OTUD4: variants seen among roughly 807,000 people sequenced by gnomAD.
The protein encoded by OTUD4 is OTU domain-containing protein 4.
A neutral mutation model predicts 130.4 loss-of-function variants in OTUD4; 24 were observed. The ratio of observed to expected loss-of-function variants is 0.18; its 90% CI spans 0.13 to 0.26. The LOEUF (loss-of-function observed/expected upper bound fraction) is 0.26. Among genes scored for constraint, OTUD4 ranks in the 10% least tolerant of loss-of-function variants. The pLI, the probability that OTUD4 is intolerant of heterozygous loss-of-function variation, is 1.00. For missense variants in OTUD4, 1,031 were observed against 1,329.4 expected, an observed-to-expected ratio of 0.78 and a Z score of 3.49; for synonymous variants, 420 against 472.5, an observed-to-expected ratio of 0.89 and a Z score of 1.44.
intron 5 of OTUD4, among the ~76,000 whole-genome samples, chr4:145,163,249 A>C (rs891982355): frequency 1.2e-4 from 18 of 152,364 alleles, no homozygotes; most frequent in Admixed American, 7.2e-4. Context: ...TAACAGTAGT[A>C]TTTCACTCAA....
chr4:145,177,743 T>C (rs908772543), intron 1 of OTUD4, among the ~76,000 whole-genome samples: 7 of 152,338 alleles, frequency 4.6e-5, no homozygotes, highest in South Asian at 4.1e-4. Flanking sequence ...CTAAATCAGA[T>C]AATTTGGAGA....
In OTUD4 at chr4:145,179,958, C is replaced by T; in HGVS notation, c.16G>A (p.Gly6Ser). The change falls in exon 1 of 21, where the codon GGC (glycine) becomes AGC (serine). Residue 6 changes from glycine to serine, a missense_variant. Physicochemically the swap from Gly to Ser is moderately conservative, Grantham distance 56 (BLOSUM62 0). Transcript: ENST00000447906. ...CCCTGGTCCCCGCCGTCGGGGACGCCGACGGCAGCCTCCATGTTGCTGGTC... is the reference window on the plus strand; with the variant it reads ...CCCTGGTCCCCGCCGTCGGGGACGCTGACGGCAGCCTCCATGTTGCTGGTC... MEAAV[G>S]VPDGGDQGGA... is the part of the protein sequence containing the mutation. 1 of 1,519,454 alleles carries T rather than the reference C, an allele frequency of 6.6e-7. No individual in the cohort carries two copies. The highest frequency in any genetic ancestry group is 1.2e-5 in the South Asian group (1 of 83,160). The allele number at this position is 1,519,454 out of a possible 1,614,324, so 94.1% of individuals were successfully genotyped here.
At chr4:145,160,915 G>T (rs36225151) in intron 6 of OTUD4, among the ~76,000 whole-genome samples, 1 of 152,192 alleles carries the variant, frequency 6.6e-6, no homozygotes, top group African/African-American at 2.4e-5. Context: ...TTTAAGACCA[G>T]CCTGGTCAAG....
chr4:145,163,482 CTAAAGTATTCCTGGATGTAATGGCAGA>C, intron 5 of OTUD4, among the ~76,000 whole-genome samples: 3 of 152,232 alleles, frequency 2.0e-5, no homozygotes, highest in East Asian at 3.9e-4. Flanking sequence ...TTTATGATTA[CTAAAGTATTCCTGGATGTAATGGCAGA>C]ACCTATTTTC....
At chr4:145,140,878 T>G (rs1428411114) in intron 19 of OTUD4, among the ~76,000 whole-genome samples, 1 of 151,398 alleles carries the variant, frequency 6.6e-6, no homozygotes, top group Non-Finnish European at 1.5e-5. Flanking sequence ...AAAAAAAAAT[T>G]TTCTGGGCCA....
At chr4:145,164,911 T>C (rs1751774014) in intron 4 of OTUD4, among the ~76,000 whole-genome samples, 1 of 152,146 alleles carries the variant, frequency 6.6e-6, no homozygotes, top group African/African-American at 2.4e-5. Flanking sequence ...AAGTGATATC[T>C]TACAGAACAT....
chr4:145,146,491 A>C, intron 13 of OTUD4, 62 bp from the exon 14 acceptor site: 3 of 944,082 alleles, frequency 3.2e-6, no homozygotes, highest in East Asian at 3.3e-5. Flanking sequence ...AATAAATAAA[A>C]CATTCTTGTC....
rs142189866 is a variant in OTUD4, at chr4:145,163,951, G to T, written c.414+203C>A. ...TCAAATTCCTGACCTCAAGTGATCT[G>T]CCTGCCTTGGCCTCCCAAAGTGCTG... On this transcript the variant is annotated intron_variant, in intron 5 of 20. Coordinates refer to ENST00000447906, the MANE Select transcript of OTUD4 (RefSeq NM_001366057.1). Among the ~76,000 whole-genome samples, 666 of 152,124 alleles carry T rather than the reference G, an allele frequency of 4.4e-3. 8 individuals carry two copies. The highest frequency in any genetic ancestry group is 0.015 in the African/African-American group (619 of 41,518).
At position 145,146,330 on chromosome 4, in the gene OTUD4, T is replaced by C. The variant is rs554807829; in HGVS notation, c.1359A>G (p.Ile453Met). ...SPEERREKQA[I>M]EESRLLYEIQ... ...TCTCATAGAGTAAACGGGATTCTTC[T>C]ATAGCTTGCTTCTCTCTGCGCTCTT... Residue 453 changes from isoleucine to methionine, a missense_variant, in exon 14 of 21, where the codon ATA (isoleucine) becomes ATG (methionine). By Grantham distance (10) the Ile-to-Met change is conservative. This residue lies in a region of OTUD4 where 900 missense variants were observed against 1,095.9 expected (regional missense o/e 0.82). Transcript: ENST00000447906. 9.4e-6 allele frequency: 15 copies of C among 1,598,466 alleles called. No individual in the cohort carries two copies. The East Asian group carries it at 3.0e-4, about 32-fold the overall frequency.
At chr4:145,176,878 G>A (rs1292479500) in intron 1 of OTUD4, among the ~76,000 whole-genome samples, 2 of 152,136 alleles carry the variant, frequency 1.3e-5, no homozygotes, top group African/African-American at 2.4e-5. Flanking sequence ...GTCCTATTAC[G>A]CTGAGATACA....
At chr4:145,139,508 T>C (rs1750455348) in intron 20 of OTUD4, among the ~76,000 whole-genome samples, 1 of 152,226 alleles carries the variant, frequency 6.6e-6, no homozygotes, top group Non-Finnish European at 1.5e-5. Flanking sequence ...GATGTACACG[T>C]TATTTCCTTT....
At chr4:145,146,475 TAAATA>T in intron 13 of OTUD4, 46 bp from the exon 14 acceptor site, 2 of 973,262 alleles carry the variant, frequency 2.1e-6, no homozygotes, top group Non-Finnish European at 2.8e-6. Flanking sequence ...AATAAATAAA[TAAATA>T]AATAAATAAA....
At chr4:145,142,531 C>T (rs1180316249) in intron 17 of OTUD4, among the ~76,000 whole-genome samples, 197 bp from the exon 18 acceptor site, 1 of 152,178 alleles carries the variant, frequency 6.6e-6, no homozygotes, top group African/African-American at 2.4e-5. Flanking sequence ...TTGATCCTAA[C>T]CAAGGGTTGC....
intron 10 of OTUD4, among the ~76,000 whole-genome samples, chr4:145,154,130 C>T (rs939717833): frequency 6.6e-6 from 1 of 152,228 alleles, no homozygotes; most frequent in Non-Finnish European, 1.5e-5. Context: ...AGTGATACAG[C>T]ATAAGCCATC....
intron 13 of OTUD4, among the ~76,000 whole-genome samples, chr4:145,146,793 A>G (rs910303242): frequency 6.6e-6 from 1 of 152,224 alleles, no homozygotes; most frequent in Non-Finnish European, 1.5e-5. Context: ...TATTTTCATT[A>G]AGAATTAATT....
chr4:145,143,879 TTC>T, intron 16 of OTUD4, 65 bp downstream of exon 16: 1 of 1,160,692 alleles, frequency 8.6e-7, no homozygotes, highest in Non-Finnish European at 1.3e-6. Flanking sequence ...CTTCTTCCAC[TTC>T]TTCCTACTGT....
intron 10 of OTUD4, among the ~76,000 whole-genome samples, chr4:145,153,649 TAA>T (rs528052178): frequency 2.0e-5 from 3 of 152,196 alleles, no homozygotes; most frequent in African/African-American, 7.2e-5. Context: ...AAATCCATGA[TAA>T]AAGAGTAAAT....
chr4:145,143,093 G>T (rs903214962), intron 17 of OTUD4, among the ~76,000 whole-genome samples: 2 of 151,898 alleles, frequency 1.3e-5, no homozygotes, highest in East Asian at 1.9e-4. Context: ...CAAATATAAC[G>T]ATAACAAATA....
intron 3 of OTUD4, chr4:145,170,713 C>T (rs1752114876): frequency 6.6e-6 from 1 of 152,240 alleles, no homozygotes; most frequent in Non-Finnish European, 1.5e-5. Context: ...ATACATCAGT[C>T]ATCGATCAAA....
Sources: gnomAD v4.1 joint callset for allele counts (sites outside exome capture counted in the v4.1 genomes callset) on GRCh38, gnomAD v4.1.1 for gene constraint, gnomAD v4.1.1 regional missense constraint, MANE v1.5 for transcripts, NCBI Gene and HGNC (gene_info 2026-07-23, HGNC 2026-07-21) for gene names.